The following RAE1 variants were observed in gnomAD, a reference collection of about 807,000 sequenced individuals.
RAE1 encodes mRNA export factor RAE1.
RAE1 carries 13 observed loss-of-function variants against 52.7 expected under a neutral mutation model. The ratio of observed to expected loss-of-function variants is 0.25; its 90% CI spans 0.16 to 0.39. The LOEUF is 0.39. Ranked by LOEUF, RAE1 falls within the 10% of genes least tolerant of loss-of-function variation. RAE1 has a pLI of 1.00. For missense variants in RAE1, 262 were observed against 459.8 expected, an observed-to-expected ratio of 0.57 and a Z score of 3.93; for synonymous variants, 164 against 153.1, an observed-to-expected ratio of 1.07 and a Z score of -0.52.
intron 9 of RAE1, 33 bp downstream of exon 9, chr20:57,373,614 C>T: frequency 6.2e-7 from 1 of 1,613,262 alleles, no homozygotes; most frequent in Non-Finnish European, 8.5e-7. Context: ...GCAGATTTCA[C>T]TGGACTTTTT....
intron 1 of RAE1, among the ~76,000 whole-genome samples, chr20:57,352,473 C>T (rs2066724482): frequency 6.6e-6 from 1 of 152,110 alleles, no homozygotes; most frequent in African/African-American, 2.4e-5. Context: ...CGGGAGAGAG[C>T]GGGAAGAGAT....
chr20:57,368,785 G>A lies in RAE1; in HGVS notation c.615G>A (p.Arg205=). The part of the protein sequence containing the change: ...YQLENQPSEF[R]RIESPLKHQH... Reference sequence around the variant, plus strand: ...TAGAGAATCAACCTTCTGAATTCAGGAGGATAGAATCTCCACTGAAACATC... The same window carrying A: ...TAGAGAATCAACCTTCTGAATTCAGAAGGATAGAATCTCCACTGAAACATC... Residue 205 remains arginine (R), a synonymous_variant, in exon 8 of 12, where the codon AGG becomes AGA. Transcript: ENST00000395841. 6.2e-7 allele frequency: 1 copy of A among 1,612,972 alleles called. No homozygotes were observed.
Position 57,365,216 on chromosome 20 carries a change from C to G in RAE1, c.289-140C>G. 1.2e-5 allele frequency: 6 copies of G among 519,422 alleles called. No individual in the cohort carries two copies. The Admixed American group carries it at 2.1e-4, about 18-fold the overall frequency. The allele number at this position is 519,422 out of a possible 1,614,324, so 32.2% of individuals were successfully genotyped here. ...ATTTTTTGTATGATGCTGTAGTTTG[C>G]AGTACACTGGTCCCCAAACAATTGG... On this transcript the variant is annotated intron_variant, in intron 4 of 11. Transcript: ENST00000395841.
chr20:57,373,031 C>G (rs1349242297), intron 8 of RAE1: 1 of 203,956 alleles, frequency 4.9e-6, no homozygotes, highest in African/African-American at 2.4e-5. Flanking sequence ...CCACCGTCCC[C>G]TTCACCCTGT....
chr20:57,373,382 AC>A (rs2067064425), intron 8 of RAE1, 92 bp from the exon 9 acceptor site: 5 of 1,267,762 alleles, frequency 3.9e-6, no homozygotes, highest in South Asian at 2.7e-5. Flanking sequence ...TTCTTCTAAA[AC>A]CTAAACATGG....
chr20:57,374,555 C>T (rs2067083320), intron 10 of RAE1, 52 bp from the exon 11 acceptor site: 5 of 1,527,924 alleles, frequency 3.3e-6, no homozygotes, highest in Non-Finnish European at 4.5e-6. Context: ...TGGGTGGAAC[C>T]TTCTCTGCGC....
At position 57,373,058 on chromosome 20, in the gene RAE1, T is replaced by C. The variant is rs185793811; in HGVS notation, c.643-417T>C. 1.7e-5 allele frequency: 4 copies of C among 228,872 alleles called. No individual in the cohort carries two copies. The Admixed American group carries it at 2.1e-4, about 12-fold the overall frequency. The allele number at this position is 228,872 out of a possible 1,614,324, so 14.2% of individuals were successfully genotyped here. On this transcript the variant is annotated intron_variant, in intron 8 of 11. Coordinates refer to ENST00000395841, the MANE Select transcript of RAE1 (RefSeq NM_003610.4). ...TCACCCTGTTACCCTGTGAGACGGG[T>C]GCGGCAGAGCCTGCATCCCTCCTCC...
At chr20:57,362,988 C>T (rs898803805) in intron 4 of RAE1, among the ~76,000 whole-genome samples, 6 of 152,084 alleles carry the variant, frequency 3.9e-5, no homozygotes, top group Admixed American at 2.0e-4. Flanking sequence ...GCCATGTTGC[C>T]GAGACTGATC....
chr20:57,371,964 G>C (rs1295278753), intron 8 of RAE1: 1 of 152,258 alleles, frequency 6.6e-6, no homozygotes, highest in Non-Finnish European at 1.5e-5. Context: ...GTGATATCCA[G>C]CATAGACTCA....
At chr20:57,357,111 C>T (rs1434690856) in intron 4 of RAE1, among the ~76,000 whole-genome samples, 1 of 152,194 alleles carries the variant, frequency 6.6e-6, no homozygotes, top group Non-Finnish European at 1.5e-5. Flanking sequence ...GTACCTGTTC[C>T]TTTAGTCAGG....
rs1010645874 is a variant in RAE1, at chr20:57,351,285, G to T, written c.-145G>T. ...CGCGGTAGTCAGGGCAGTTTCTACC[G>T]CAGGCTTAAGGAGGCTTCGGGCTCC... is the stretch of plus-strand genomic sequence containing the variant. On this transcript the variant is annotated 5_prime_UTR_variant, in exon 1 of 12. Transcript: ENST00000395841. 1 of 985,334 alleles carries T rather than the reference G, an allele frequency of 1.0e-6. No homozygotes were observed. The highest frequency in any genetic ancestry group is 1.2e-6 in the Non-Finnish European group (1 of 829,948). The allele number at this position is 985,334 out of a possible 1,614,324, so 61.0% of individuals were successfully genotyped here. A position where few individuals can be genotyped will look rare whatever the true frequency, so the allele number is the denominator to read the frequency against.
intron 11 of RAE1, among the ~76,000 whole-genome samples, chr20:57,376,840 C>T (rs1033825813): frequency 1.3e-5 from 2 of 152,090 alleles, no homozygotes; most frequent in Non-Finnish European, 2.9e-5. Context: ...ACGTTATACG[C>T]GTTAAAAAAT....
At chr20:57,357,987 T>G (rs1032811727) in intron 4 of RAE1, 2 of 149,966 alleles carry the variant, frequency 1.3e-5, no homozygotes, top group African/African-American at 2.5e-5. Flanking sequence ...AGTGCGCTGA[T>G]TAGTGCATAT....
intron 10 of RAE1, 99 bp from the exon 11 acceptor site, chr20:57,374,508 G>A: frequency 9.2e-7 from 1 of 1,092,718 alleles, no homozygotes; most frequent in South Asian, 1.5e-5. Flanking sequence ...AAATGTACCT[G>A]TGCGCTTTGT....
chr20:57,375,293 T>C (rs2067097273), intron 11 of RAE1, among the ~76,000 whole-genome samples: 1 of 152,170 alleles, frequency 6.6e-6, no homozygotes, highest in African/African-American at 2.4e-5. Context: ...TCAACCAGCC[T>C]GCGTGTTTCT....
At chr20:57,375,276 T>C (rs140906358) in intron 11 of RAE1, among the ~76,000 whole-genome samples, 299 of 152,188 alleles carry the variant, frequency 2.0e-3, no homozygotes, top group African/African-American at 6.9e-3. Context: ...GGGAAGTGTG[T>C]TGGCTTTCAA....
chr20:57,374,849 G>A lies in RAE1; in HGVS notation c.1020+48G>A, dbSNP rs2067088209. ...TGGGTGCTCCAAGGCAGCAGAGCCA[G>A]GCTCTGGGTTCAGAAGGCCTAGGCC... On this transcript the variant is annotated intron_variant, in intron 11 of 11. Transcript: ENST00000395841. 4.4e-6 allele frequency: 7 copies of A among 1,607,118 alleles called. No individual in the cohort carries two copies. In the South Asian group the frequency reaches 4.4e-5, roughly 10 times the overall value.
intron 8 of RAE1, 193 bp from the exon 9 acceptor site, chr20:57,373,282 T>C (rs2067063575): frequency 3.3e-6 from 2 of 598,940 alleles, no homozygotes; most frequent in African/African-American, 3.7e-5. Flanking sequence ...GGGTGTGCAG[T>C]TGGGTCATAA....
At chr20:57,373,422 C>A in intron 8 of RAE1, 53 bp from the exon 9 acceptor site, 1 of 1,543,772 alleles carries the variant, frequency 6.5e-7, no homozygotes, top group Non-Finnish European at 8.9e-7. Context: ...TCACGTTAGT[C>A]ATGAAATCTT....
Sources: gnomAD v4.1 joint callset for allele counts (sites outside exome capture counted in the v4.1 genomes callset) on GRCh38, gnomAD v4.1.1 for gene constraint, MANE v1.5 for transcripts, NCBI Gene and HGNC (gene_info 2026-07-23, HGNC 2026-07-21) for gene names.